Variants in ANO1 observed in about 807,000 individuals in gnomAD.
The protein encoded by ANO1 is anoctamin 1.
In ANO1, 59 loss-of-function variants were observed where a neutral mutation model predicts 124.0. The observed-to-expected ratio is 0.48, with a 90% CI of 0.39 to 0.59. ANO1 has a LOEUF of 0.59. ANO1 is among the 20% of genes least tolerant of loss of function. ANO1 has a pLI of 0.00. For missense variants in ANO1, 1,059 were observed against 1,328.0 expected (o/e 0.80, Z 3.15); for synonymous variants, 529 against 532.0 (o/e 0.99, Z 0.08).
intron 22 of ANO1, 30 bp downstream of exon 22, chr11:70,171,069 G>C: frequency 6.2e-7 from 1 of 1,604,630 alleles, no homozygotes; most frequent in Admixed American, 1.7e-5. Context: ...GGCAGAACCG[G>C]TTCCGAGTGC....
At chr11:70,077,444 C>T (rs183347422), upstream of ANO1, among the ~76,000 whole-genome samples, 137 of 152,250 alleles carry the variant, frequency 9.0e-4, 1 homozygote, top group Non-Finnish European at 1.7e-3. Context: ...CCAGCATGGC[C>T]CCTGGGGCTT....
chr11:70,186,898 G>A (rs531110772), intron 25 of ANO1, among the ~76,000 whole-genome samples: 6 of 152,284 alleles, frequency 3.9e-5, no homozygotes, highest in African/African-American at 1.4e-4. Flanking sequence ...GCTGGGTTCC[G>A]CAGACCAGAG....
At position 70,171,015 on chromosome 11, in the gene ANO1, G is replaced by A. The variant is rs376719362; in HGVS notation, c.2326G>A (p.Val776Ile). 87 of 1,612,412 alleles carry A rather than the reference G, an allele frequency of 5.4e-5. No homozygotes were observed. The highest frequency in any genetic ancestry group is 7.2e-5 in the Non-Finnish European group (85 of 1,179,320). ...GTTTGTCACTGAGCTCCGAAGGCCGGTAGCTGTCAGAGCCAAAGACATCGG... is the reference window on the plus strand; with the variant it reads ...GTTTGTCACTGAGCTCCGAAGGCCGATAGCTGTCAGAGCCAAAGACATCGG... ...KKFVTELRRP[V>I]AVRAKDIGIW... Residue 776 changes from valine (V) to isoleucine (I), a missense_variant, in exon 22 of 26, where the codon GTA becomes ATA. Val to Ile is a conservative substitution (Grantham distance 29). Transcript: ENST00000355303.
intron 17 of ANO1, 125 bp from the exon 18 acceptor site, chr11:70,161,489 ATCCTGAGC>A: frequency 7.2e-7 from 1 of 1,380,016 alleles, no homozygotes. Flanking sequence ...CTCAATGGGT[ATCCTGAGC>A]ACAGGCCATG....
intron 2 of ANO1, among the ~76,000 whole-genome samples, chr11:70,095,388 AAGAAAGAAAG>A (rs1337921282): frequency 2.7e-4 from 10 of 37,226 alleles, no homozygotes; most frequent in African/African-American, 7.4e-4. Context: ...GAAAGAAAGA[AAGAAAGAAAG>A]AAAGAAAGAA....
At chr11:70,013,175 G>A (rs1555001370) in intron 1 of ANO1, among the ~76,000 whole-genome samples, 1 of 152,212 alleles carries the variant, frequency 6.6e-6, no homozygotes, top group Non-Finnish European at 1.5e-5. Flanking sequence ...GAGGCCAGCA[G>A]TGCAAAAGTC....
At chr11:69,970,276 A>T in the ANO1 span, among the ~76,000 whole-genome samples, 1 of 152,180 alleles carries the variant, frequency 6.6e-6, no homozygotes, top group African/African-American at 2.4e-5. Flanking sequence ...ACGGCTGCAG[A>T]GAGCCCAGGC....
chr11:70,177,799 A>G (rs1229901485), intron 22 of ANO1, among the ~76,000 whole-genome samples: 2 of 151,894 alleles, frequency 1.3e-5, no homozygotes, highest in African/African-American at 2.4e-5. Context: ...GGGCTTCGCC[A>G]TGTTGGCCAG....
intron 1 of ANO1, among the ~76,000 whole-genome samples, chr11:70,027,060 G>A (rs1218854776): frequency 6.6e-6 from 1 of 152,144 alleles, no homozygotes; most frequent in Non-Finnish European, 1.5e-5. Flanking sequence ...TCCTCCTCAG[G>A]ATGACAGCAA....
chr11:70,002,467 A>AAAAAAAAAAC (rs1554999454), intron 1 of ANO1, among the ~76,000 whole-genome samples: 1 of 151,516 alleles, frequency 6.6e-6, no homozygotes, highest in Non-Finnish European at 1.5e-5. Flanking sequence ...CCACCAAAAA[A>AAAAAAAAAAC]AAAAAAAAAA....
At chr11:70,160,827 T>C (rs994045534) in intron 16 of ANO1, among the ~76,000 whole-genome samples, 4 of 152,216 alleles carry the variant, frequency 2.6e-5, no homozygotes, top group African/African-American at 9.6e-5. Context: ...TCCGGGAAGA[T>C]GGTAGCACAA....
intron 11 of ANO1, among the ~76,000 whole-genome samples, chr11:70,138,415 A>AG (rs922842922): frequency 1.0e-4 from 15 of 150,566 alleles, no homozygotes; most frequent in Admixed American, 6.0e-4. Flanking sequence ...CTAAGGCAGG[A>AG]GAATCGCTTG....
chr11:70,128,911 G>T (rs1457650579), intron 10 of ANO1, among the ~76,000 whole-genome samples: 3 of 152,246 alleles, frequency 2.0e-5, no homozygotes, highest in Non-Finnish European at 4.4e-5. Flanking sequence ...CAGGCCGTTG[G>T]TGTACGCCTT....
chr11:70,161,188 G>A lies in ANO1; in HGVS notation c.1606G>A (p.Gly536Ser), dbSNP rs773592156. ...TGCAGTGACGTTTGCCATCGTCCTC[G>A]GCGTCATCATCTACAGAATCTCCAT... ...MIAVTFAIVL[G>S]VIIYRISMAA... Residue 536 changes from glycine to serine, a missense_variant, in exon 17 of 26, where the codon GGC becomes AGC. Transcript: ENST00000355303. 44 of 1,613,742 alleles carry A rather than the reference G, an allele frequency of 2.7e-5. No individual in the cohort carries two copies. Among genetic ancestry groups the A allele is most frequent in the East Asian group, 1.3e-4 (6 of 44,880 alleles).
chr11:70,142,551 C>G (rs2047196324), intron 11 of ANO1, among the ~76,000 whole-genome samples: 1 of 152,298 alleles, frequency 6.6e-6, no homozygotes, highest in East Asian at 1.9e-4. Flanking sequence ...CCCAGGAGAC[C>G]CCTCTCTAAC....
intron 1 of ANO1, among the ~76,000 whole-genome samples, chr11:70,042,203 A>G (rs1017694438): frequency 6.6e-6 from 1 of 152,102 alleles, no homozygotes; most frequent in South Asian, 2.1e-4. Flanking sequence ...AAACAGACAA[A>G]ATATAGGAAG....
At chr11:70,149,420 G>A in intron 11 of ANO1, 1 of 387,232 alleles carries the variant, frequency 2.6e-6, no homozygotes, top group Non-Finnish European at 4.9e-6. Context: ...GGAGGCCAAG[G>A]CAGGTGGATC....
intron 1 of ANO1, among the ~76,000 whole-genome samples, chr11:70,010,923 C>A (rs1555001005): frequency 6.6e-6 from 1 of 152,238 alleles, no homozygotes; most frequent in African/African-American, 2.4e-5. Flanking sequence ...CCTCCACAAC[C>A]ATGTGTGCTC....
chr11:70,124,687 C>T (rs1032077792), intron 9 of ANO1, among the ~76,000 whole-genome samples: 9 of 152,112 alleles, frequency 5.9e-5, no homozygotes, highest in Non-Finnish European at 1.2e-4. Context: ...CCTCACTGGG[C>T]GGCGGGAGGG....
Sources: allele counts gnomAD v4.1 joint callset (sites outside exome capture counted in the v4.1 genomes callset), GRCh38; gene constraint gnomAD v4.1.1; transcripts MANE v1.5; gene names NCBI Gene and HGNC (gene_info 2026-07-23, HGNC 2026-07-21).